WDFY2: variants seen among roughly 807,000 people sequenced by gnomAD.
WDFY2 encodes the protein WD repeat and FYVE domain containing 2.
WDFY2 carries 36 observed loss-of-function variants against 56.4 expected under a neutral mutation model. That is an observed-to-expected ratio of 0.64 (90% CI 0.49 to 0.84). WDFY2 has a LOEUF of 0.84. Ranked by LOEUF, WDFY2 falls within the 40% of genes least tolerant of loss-of-function variation. The pLI, the probability that WDFY2 is intolerant of heterozygous loss-of-function variation, is 0.00. For synonymous variants in WDFY2, 176 were observed against 183.7 expected (o/e 0.96, Z 0.34); for missense variants, 444 against 512.2 (o/e 0.87, Z 1.29).
intron 1 of WDFY2, among the ~76,000 whole-genome samples, chr13:51,605,058 G>A (rs1373564357): frequency 6.6e-6 from 1 of 152,224 alleles, no homozygotes; most frequent in African/African-American, 2.4e-5. Context: ...CAGGAAAATA[G>A]GTAGAATGAA....
rs1420665730 is a variant in WDFY2 at position 51,764,178 on chromosome 13, G to A, written c.*4409G>A. Reference sequence around the variant, plus strand: ...AGATTTGAATGTTCATGTCAACCGTGTTGAGCGCTCACCAGCCACCAGGCT... The same window carrying A: ...AGATTTGAATGTTCATGTCAACCGTATTGAGCGCTCACCAGCCACCAGGCT... On this transcript the variant is annotated 3_prime_UTR_variant, in exon 12 of 12. Coordinates refer to ENST00000298125, the MANE Select transcript of WDFY2 (RefSeq NM_052950.4). 6.6e-6 allele frequency: 1 copy of A among 152,162 alleles called. No homozygotes were observed. Among genetic ancestry groups the A allele is most frequent in the Non-Finnish European group, 1.5e-5 (1 of 68,034 alleles). The allele number at this position is 152,162 out of a possible 1,614,324, so 9.4% of individuals were successfully genotyped here.
intron 3 of WDFY2, among the ~76,000 whole-genome samples, chr13:51,687,208 T>C (rs891085652): frequency 4.6e-5 from 7 of 151,828 alleles, no homozygotes; most frequent in African/African-American, 1.7e-4. Flanking sequence ...AAAATATATA[T>C]TGAACACCTA....
intron 1 of WDFY2, among the ~76,000 whole-genome samples, chr13:51,627,577 T>G (rs1178700669): frequency 6.6e-6 from 1 of 151,944 alleles, no homozygotes; most frequent in African/African-American, 2.4e-5. Context: ...AGAGATGTGG[T>G]TTCACCATGT....
At chr13:51,673,424 A>G (rs1303625531) in intron 2 of WDFY2, among the ~76,000 whole-genome samples, 1 of 152,202 alleles carries the variant, frequency 6.6e-6, no homozygotes, top group Non-Finnish European at 1.5e-5. Flanking sequence ...TCATACTTAC[A>G]TCTTCATAAA....
chr13:51,702,008 T>C (rs1951995220), intron 3 of WDFY2, among the ~76,000 whole-genome samples: 1 of 152,102 alleles, frequency 6.6e-6, no homozygotes, highest in Non-Finnish European at 1.5e-5. Flanking sequence ...CTACTTTACT[T>C]CTTTAAAAAT....
At chr13:51,734,085 A>G (rs377082601) in intron 6 of WDFY2, among the ~76,000 whole-genome samples, 1 of 152,102 alleles carries the variant, frequency 6.6e-6, no homozygotes, top group Non-Finnish European at 1.5e-5. Context: ...GCCTGCACAT[A>G]TTACCCTTGA....
At chr13:51,602,456 C>G (rs1275593185) in intron 1 of WDFY2, among the ~76,000 whole-genome samples, 3 of 152,208 alleles carry the variant, frequency 2.0e-5, no homozygotes, top group Non-Finnish European at 4.4e-5. Context: ...TAGATACACT[C>G]TATGATGTTT....
intron 2 of WDFY2, among the ~76,000 whole-genome samples, chr13:51,671,776 CTTTTTTTTT>C (rs564584742): frequency 1.3e-4 from 8 of 61,998 alleles, no homozygotes; most frequent in Admixed American, 4.3e-4. Flanking sequence ...GTTGCATTTG[CTTTTTTTTT>C]TTTTTTTTTT....
At position 51,751,347 on chromosome 13, in the gene WDFY2, C is replaced by T. The variant is rs773701457; in HGVS notation, c.763C>T (p.Arg255Ter). 13 of 1,613,886 alleles carry T rather than the reference C, an allele frequency of 8.1e-6. No individual in the cohort carries two copies. The highest frequency in any genetic ancestry group is 2.2e-5 in the South Asian group (2 of 91,080). Reference protein sequence around the residue: ...VQALSYAQHTRQLISCGGDGG... With the variant: ...VQALSYAQHT ...GGCCCTCTCCTATGCACAGCACACG[C>T]GACAATTGATCTCCTGTGGCGGTGA... is the stretch of plus-strand genomic sequence containing the variant. Residue 255 changes from arginine (R) to a stop codon, truncating the protein, a stop_gained, in exon 8 of 12, where the codon CGA becomes TGA. Coordinates refer to ENST00000298125, the MANE Select transcript of WDFY2 (RefSeq NM_052950.4). LOFTEE classifies it high-confidence loss of function.
chr13:51,733,335 C>G (rs1273407073), intron 6 of WDFY2, among the ~76,000 whole-genome samples: 2 of 152,148 alleles, frequency 1.3e-5, no homozygotes, highest in Non-Finnish European at 2.9e-5. Flanking sequence ...CTGTGCCCAG[C>G]CAGAAGTGGT....
chr13:51,727,826 C>T (rs776144188), intron 6 of WDFY2, 36 bp downstream of exon 6: 4 of 1,589,084 alleles, frequency 2.5e-6, no homozygotes, highest in East Asian at 2.2e-5. Flanking sequence ...GTGCTGATAG[C>T]ACAGTGAGAT....
In WDFY2 at chr13:51,649,336, G is replaced by A. The variant is rs559738857; in HGVS notation, c.138-11260G>A. On this transcript the variant is annotated intron_variant, in intron 1 of 11. Coordinates refer to ENST00000298125, the MANE Select transcript of WDFY2 (RefSeq NM_052950.4). ...ACAGCACGTGCAAGATGGACTGTGCGGTGCATTTGGCCCTGTCCTGTTACT... is the reference window on the plus strand; with the variant it reads ...ACAGCACGTGCAAGATGGACTGTGCAGTGCATTTGGCCCTGTCCTGTTACT... Among the ~76,000 whole-genome samples the A allele has an allele frequency of 1.7e-3, 265 of 152,122 alleles. 1 individual carries two copies. The highest frequency in any genetic ancestry group is 6.1e-3 in the African/African-American group (251 of 41,486).
At chr13:51,609,319 T>G (rs1197551895) in intron 1 of WDFY2, among the ~76,000 whole-genome samples, 1 of 152,196 alleles carries the variant, frequency 6.6e-6, no homozygotes, top group Non-Finnish European at 1.5e-5. Flanking sequence ...TGAATAGAAC[T>G]CTAACAAACT....
chr13:51,661,477 G>A (rs989704163), intron 2 of WDFY2, among the ~76,000 whole-genome samples: 2 of 152,030 alleles, frequency 1.3e-5, no homozygotes, highest in African/African-American at 4.8e-5. Flanking sequence ...TTTGTTGTTT[G>A]GAGTCCTATA....
chr13:51,710,358 T>G lies in WDFY2; in HGVS notation c.334+6708T>G, dbSNP rs890802877. Among the ~76,000 whole-genome samples, 165 of 152,228 alleles carry G rather than the reference T, an allele frequency of 1.1e-3. 1 individual carries two copies. Among genetic ancestry groups the G allele is most frequent in the Middle Eastern group, 3.4e-3 (1 of 294 alleles). On this transcript the variant is annotated intron_variant, in intron 4 of 11. Transcript: ENST00000298125. Reference sequence around the variant, plus strand: ...ACTGAATGGGCAAAAACTGGAAGCATTCCCTTTGAAAACTGGCACAAGACA... The same window carrying G: ...ACTGAATGGGCAAAAACTGGAAGCAGTCCCTTTGAAAACTGGCACAAGACA...
At chr13:51,690,728 G>C (rs1279646435) in intron 3 of WDFY2, among the ~76,000 whole-genome samples, 3 of 152,098 alleles carry the variant, frequency 2.0e-5, no homozygotes, top group Non-Finnish European at 4.4e-5. Context: ...GGATGGCTGG[G>C]TCAAATGGTA....
intron 1 of WDFY2, among the ~76,000 whole-genome samples, chr13:51,653,820 G>C (rs898072955): frequency 4.6e-5 from 7 of 152,216 alleles, no homozygotes; most frequent in African/African-American, 1.7e-4. Flanking sequence ...GCCCCTACTG[G>C]GGGGTGCCTC....
Position 51,667,879 on chromosome 13 carries a change from C to CTTT in WDFY2, c.205+7244_205+7246dup, listed in dbSNP as rs66771214. Among the ~76,000 whole-genome samples, 77 of 50,054 alleles carry CTTT rather than the reference C, an allele frequency of 1.5e-3. 12 individuals are homozygous for CTTT. Among genetic ancestry groups the CTTT allele is most frequent in the African/African-American group, 6.0e-3 (60 of 10,032 alleles). 32.8% of individuals were successfully genotyped at this position (50,054 alleles called of 152,430 possible). A position where few individuals can be genotyped will look rare whatever the true frequency, so the allele number is the denominator to read the frequency against. ...GAAGAAAAAGGTACCTGAGGAACTT[C>CTTT]TTTTTTTTTTTTTTTTTTTTTTTTT... On this transcript the variant is annotated intron_variant, in intron 2 of 11. Transcript: ENST00000298125.
intron 1 of WDFY2, among the ~76,000 whole-genome samples, chr13:51,634,036 T>C (rs78545729): frequency 3.3e-5 from 5 of 152,304 alleles, no homozygotes; most frequent in Admixed American, 6.5e-5. Context: ...TTTGATTAAT[T>C]TCTAAGAGGT....
Sources: gnomAD v4.1 joint callset for allele counts (sites outside exome capture counted in the v4.1 genomes callset) on GRCh38, gnomAD v4.1.1 for gene constraint, MANE v1.5 for transcripts, NCBI Gene and HGNC (gene_info 2026-07-23, HGNC 2026-07-21) for gene names.